Variants in RPS6KA6 observed in about 807,000 individuals in gnomAD.
RPS6KA6 encodes ribosomal protein S6 kinase alpha-6.
In RPS6KA6, 27 loss-of-function variants were observed where a neutral mutation model predicts 65.4. That is an observed-to-expected ratio of 0.41 (90% CI 0.30 to 0.57). The LOEUF (loss-of-function observed/expected upper bound fraction) is 0.57. Ranked by LOEUF, RPS6KA6 falls within the 20% of genes least tolerant of loss-of-function variation. The pLI, the probability that RPS6KA6 is intolerant of heterozygous loss-of-function variation, is 0.24. For synonymous variants in RPS6KA6, 190 were observed against 184.2 expected (o/e 1.03, Z -0.26); for missense variants, 486 against 555.6 (o/e 0.87, Z 1.26).
intron 3 of RPS6KA6, among the ~76,000 whole-genome samples, chrX:84,148,854 G>A (rs1212679565): frequency 2.7e-5 from 3 of 111,056 alleles, no homozygotes; most frequent in Non-Finnish European, 5.7e-5. Flanking sequence ...GGGTGGCTGT[G>A]GCAATTTCCT....
intron 2 of RPS6KA6, among the ~76,000 whole-genome samples, chrX:84,160,833 A>G (rs2035499371): frequency 9.0e-6 from 1 of 111,479 alleles, no homozygotes; most frequent in African/African-American, 3.3e-5. Context: ...TAATACCAAT[A>G]TAAATGCCAA....
chrX:84,140,246 A>G (rs1260784253), intron 6 of RPS6KA6, among the ~76,000 whole-genome samples: 1 of 111,433 alleles, frequency 9.0e-6, no homozygotes, highest in Non-Finnish European at 1.9e-5. Flanking sequence ...AGTAATCAGA[A>G]GGATTTTGCT....
At chrX:84,153,806 G>T (rs2035369207) in intron 3 of RPS6KA6, among the ~76,000 whole-genome samples, 1 of 110,455 alleles carries the variant, frequency 9.1e-6, no homozygotes, top group Admixed American at 9.7e-5. Flanking sequence ...CATATCCTAG[G>T]GGGAAAAAAA....
intron 20 of RPS6KA6, among the ~76,000 whole-genome samples, chrX:84,091,318 T>C (rs2034040164): frequency 8.9e-6 from 1 of 112,689 alleles, no homozygotes; most frequent in African/African-American, 3.2e-5. Flanking sequence ...ATGCAAGATA[T>C]ACCAGAAGAA....
intron 8 of RPS6KA6, among the ~76,000 whole-genome samples, chrX:84,121,764 G>A (rs1042965891): frequency 6.3e-5 from 7 of 111,993 alleles, no homozygotes; most frequent in Admixed American, 9.5e-5. Context: ...AAAATGGATC[G>A]TAAACCATGT....
chrX:84,081,168 T>G (rs1352938284), intron 20 of RPS6KA6, among the ~76,000 whole-genome samples: 1 of 111,400 alleles, frequency 9.0e-6, no homozygotes, highest in East Asian at 2.8e-4. Context: ...CTTCAAAAAA[T>G]CAATGAATCC....
chrX:84,184,984 A>G (rs2035911094), intron 1 of RPS6KA6, among the ~76,000 whole-genome samples: 5 of 111,817 alleles, frequency 4.5e-5, no homozygotes, highest in Admixed American at 1.9e-4. Flanking sequence ...ACCAAAAAAC[A>G]AACAACTAAG....
intron 20 of RPS6KA6, among the ~76,000 whole-genome samples, chrX:84,066,206 GTT>G (rs1207109128): frequency 7.3e-5 from 7 of 95,879 alleles, no homozygotes; most frequent in African/African-American, 1.9e-4. Flanking sequence ...GCTAGCTGCA[GTT>G]TTTTTTTTTT....
intron 8 of RPS6KA6, among the ~76,000 whole-genome samples, chrX:84,129,906 A>C (rs72632460): frequency 0.1 from 11,444 of 110,721 alleles, 699 homozygotes; most frequent in East Asian, 0.51. Flanking sequence ...AAATAGTTAG[A>C]ATAAATAAGA....
intron 19 of RPS6KA6, among the ~76,000 whole-genome samples, chrX:84,097,535 A>G (rs2034180396): frequency 9.0e-6 from 1 of 111,533 alleles, no homozygotes; most frequent in Non-Finnish European, 1.9e-5. Context: ...TTTATTTTTA[A>G]AAGTTTTAGT....
At chrX:84,107,154 TATTTG>T in intron 13 of RPS6KA6, 114 bp from the exon 14 acceptor site, 2 of 529,196 alleles carry the variant, frequency 3.8e-6, no homozygotes, top group South Asian at 4.7e-5. Flanking sequence ...ACATATTATA[TATTTG>T]ATTTATTATA....
chrX:84,169,214 G>A (rs774491824), intron 1 of RPS6KA6, among the ~76,000 whole-genome samples: 11 of 111,143 alleles, frequency 9.9e-5, no homozygotes, highest in South Asian at 7.5e-4. Context: ...ACAGACTCTC[G>A]TACCAGGGCT....
intron 20 of RPS6KA6, among the ~76,000 whole-genome samples, chrX:84,088,451 A>T (rs1425085539): frequency 8.9e-6 from 1 of 111,749 alleles, no homozygotes; most frequent in Non-Finnish European, 1.9e-5. Context: ...TGGAAGTATC[A>T]CTGGTGAAGG....
chrX:84,089,620 C>A (rs936044471), intron 20 of RPS6KA6, among the ~76,000 whole-genome samples: 2 of 110,456 alleles, frequency 1.8e-5, no homozygotes, highest in Non-Finnish European at 3.8e-5. Context: ...ATCTACTGAT[C>A]CATGGGTTGC....
chrX:84,103,386 A>C (rs2034294684), intron 17 of RPS6KA6, among the ~76,000 whole-genome samples: 1 of 109,855 alleles, frequency 9.1e-6, no homozygotes, highest in Admixed American at 9.8e-5. Flanking sequence ...TAGGACTGGT[A>C]AAAAAAAATG....
intron 6 of RPS6KA6, among the ~76,000 whole-genome samples, chrX:84,138,420 G>A (rs755753870): frequency 1.6e-4 from 18 of 110,197 alleles, no homozygotes; most frequent in African/African-American, 5.0e-4. Context: ...GTATAGTGGC[G>A]CACGCTTCTG....
intron 1 of RPS6KA6, 134 bp from the exon 2 acceptor site, chrX:84,164,521 G>C: frequency 4.4e-6 from 2 of 458,959 alleles, no homozygotes; most frequent in South Asian, 3.8e-5. Flanking sequence ...AAGGACAAAG[G>C]ACACATAGAA....
In RPS6KA6 at chrX:84,060,351, A is replaced by ATTTTTTTT; in HGVS notation, c.*3925_*3926insAAAAAAAA. 1.0e-5 allele frequency: 1 copy of ATTTTTTTT among 100,246 alleles called. No homozygotes were observed. Among genetic ancestry groups the ATTTTTTTT allele is most frequent in the Non-Finnish European group, 2.0e-5 (1 of 50,116 alleles). The allele number at this position is 100,246 out of a possible 1,213,427, so 8.3% of individuals were successfully genotyped here. A position where few individuals can be genotyped will look rare whatever the true frequency, so the allele number is the denominator to read the frequency against. On this transcript the variant is annotated 3_prime_UTR_variant, in exon 22 of 22. Coordinates refer to ENST00000262752, the MANE Select transcript of RPS6KA6 (RefSeq NM_014496.5). ...TTTTTTTTTTTTTTTTTGAAATAACATTGTGACTTAAAGGATTTCTAGGTC... is the reference window on the plus strand; with the variant it reads ...TTTTTTTTTTTTTTTTTGAAATAACATTTTTTTTTTGTGACTTAAAGGATTTCTAGGTC...
In RPS6KA6 at chrX:84,062,480, T is replaced by C. The variant is rs749660987; in HGVS notation, c.*1797A>G. The C allele has an allele frequency of 9.0e-6, 1 of 110,740 alleles. No individual in the cohort carries two copies. Among genetic ancestry groups the C allele is most frequent in the Non-Finnish European group, 1.9e-5 (1 of 52,793 alleles). The allele number at this position is 110,740 out of a possible 1,213,427, so 9.1% of individuals were successfully genotyped here. On this transcript the variant is annotated 3_prime_UTR_variant, in exon 22 of 22. Coordinates refer to ENST00000262752, the MANE Select transcript of RPS6KA6 (RefSeq NM_014496.5). ...ACAAACTGTTACATGCAAGTACATATAGTAATAAAGCAAATGAGAAAAAAA... is the reference window on the plus strand; with the variant it reads ...ACAAACTGTTACATGCAAGTACATACAGTAATAAAGCAAATGAGAAAAAAA...
Sources: allele counts gnomAD v4.1 joint callset (sites outside exome capture counted in the v4.1 genomes callset), GRCh38; gene constraint gnomAD v4.1.1; transcripts MANE v1.5; gene names NCBI Gene and HGNC (gene_info 2026-07-23, HGNC 2026-07-21).